The following CDH11 variants were observed in gnomAD, a reference collection of about 807,000 sequenced individuals.
CDH11 encodes cadherin 11.
CDH11 carries 11 observed loss-of-function variants against 67.8 expected under a neutral mutation model. The observed-to-expected ratio is 0.16, with a 90% CI of 0.10 to 0.27. The LOEUF is 0.27. CDH11 is among the 10% of genes least tolerant of loss of function. CDH11 has a pLI of 1.00. For synonymous variants in CDH11, 419 were observed against 400.0 expected, an observed-to-expected ratio of 1.05 and a Z score of -0.57; for missense variants, 847 against 1,031.2, an observed-to-expected ratio of 0.82 and a Z score of 2.45.
intron 1 of CDH11, among the ~76,000 whole-genome samples, chr16:65,089,313 G>A (rs1331858109): frequency 6.6e-6 from 1 of 151,898 alleles, no homozygotes; most frequent in Non-Finnish European, 1.5e-5. Context: ...ATAGCAAAAA[G>A]GAAAAAGAAA....
At chr16:65,042,152 C>CG (rs2073878346) in intron 2 of CDH11, among the ~76,000 whole-genome samples, 1 of 152,180 alleles carries the variant, frequency 6.6e-6, no homozygotes, top group Non-Finnish European at 1.5e-5. Flanking sequence ...GTATGGATGG[C>CG]GCTGCCCTTG....
rs71143536 is a variant in CDH11 at position 64,954,948 on chromosome 16, T to TAAAA, written c.1643-3934_1643-3931dup. Among the ~76,000 whole-genome samples the TAAAA allele has an allele frequency of 9.9e-5, 12 of 121,382 alleles. 1 individual carries two copies. The highest frequency in any genetic ancestry group is 8.8e-4 in the Admixed American group (11 of 12,570). The allele number at this position is 121,382 out of a possible 152,430, so 79.6% of individuals were successfully genotyped here. ...GTAAAACCCTCTCTCTACTAAAAAA[T>TAAAA]AAAAAAAAAAAAAAAAGGCCAGGCA... On this transcript the variant is annotated intron_variant, in intron 11 of 12. Coordinates refer to ENST00000268603, the MANE Select transcript of CDH11 (RefSeq NM_001797.4).
At chr16:64,978,770 T>C (rs2072248673) in intron 8 of CDH11, among the ~76,000 whole-genome samples, 1 of 152,124 alleles carries the variant, frequency 6.6e-6, no homozygotes, top group Non-Finnish European at 1.5e-5. Flanking sequence ...CCTGACAACA[T>C]ACATAAAATT....
At chr16:65,119,597 G>A (rs2075292604) in intron 1 of CDH11, among the ~76,000 whole-genome samples, 1 of 151,992 alleles carries the variant, frequency 6.6e-6, no homozygotes, top group Admixed American at 6.6e-5. Context: ...ACATGTCTGG[G>A]GCTCGCCAGA....
chr16:65,105,637 G>C (rs992369738), intron 1 of CDH11, among the ~76,000 whole-genome samples: 1 of 152,174 alleles, frequency 6.6e-6, no homozygotes, highest in African/African-American at 2.4e-5. Context: ...GCTTTGAAAG[G>C]AGATGCAACA....
intron 1 of CDH11, among the ~76,000 whole-genome samples, chr16:65,120,422 G>A (rs933843495): frequency 2.0e-5 from 3 of 152,152 alleles, no homozygotes; most frequent in African/African-American, 7.2e-5. Flanking sequence ...TAGCCTCCCT[G>A]TGATTAAAAC....
intron 1 of CDH11, among the ~76,000 whole-genome samples, chr16:65,067,891 A>G: frequency 8.8e-6 from 1 of 113,450 alleles, no homozygotes. Context: ...AGGGAGGGAG[A>G]GAGGAAGGAA....
At chr16:65,107,013 G>A (rs1379047806) in intron 1 of CDH11, among the ~76,000 whole-genome samples, 1 of 151,890 alleles carries the variant, frequency 6.6e-6, no homozygotes, top group Non-Finnish European at 1.5e-5. Flanking sequence ...TGTCTACCAT[G>A]TGATCTCAGG....
intron 1 of CDH11, among the ~76,000 whole-genome samples, chr16:65,106,346 G>T (rs1182680161): frequency 6.6e-6 from 1 of 152,098 alleles, no homozygotes; most frequent in Non-Finnish European, 1.5e-5. Flanking sequence ...ACAAATATAA[G>T]AGTTGATCAA....
intron 2 of CDH11, among the ~76,000 whole-genome samples, chr16:65,005,630 T>C (rs1216334013): frequency 6.6e-6 from 1 of 152,148 alleles, no homozygotes; most frequent in Non-Finnish European, 1.5e-5. Flanking sequence ...AAACCATTGA[T>C]GGTTACTGAA....
chr16:65,104,370 A>G (rs2075037189), intron 1 of CDH11, among the ~76,000 whole-genome samples: 1 of 152,232 alleles, frequency 6.6e-6, no homozygotes, highest in Non-Finnish European at 1.5e-5. Flanking sequence ...CACTAGCCAT[A>G]GAACCCAGAG....
intron 4 of CDH11, among the ~76,000 whole-genome samples, chr16:64,997,501 C>T (rs2072804573): frequency 6.6e-6 from 1 of 151,902 alleles, no homozygotes; most frequent in African/African-American, 2.4e-5. Context: ...CCACCCCATC[C>T]CCACCCTTGA....
At chr16:65,033,624 C>G (rs937341025) in intron 2 of CDH11, among the ~76,000 whole-genome samples, 12 of 152,066 alleles carry the variant, frequency 7.9e-5, no homozygotes, top group African/African-American at 2.9e-4. Context: ...GTAGTCCCAG[C>G]TACTCGGGAG....
In CDH11 at chr16:65,079,792, C is replaced by T. The variant is rs144671854; in HGVS notation, c.-297-25864G>A. 7.2e-5 allele frequency among the ~76,000 whole-genome samples: 11 copies of T among 152,294 alleles called. No homozygotes were observed. The East Asian group carries it at 1.4e-3, about 19-fold the overall frequency. ...AAACCACCTTGCTTTCTTGTCTAAC[C>T]GGGCAAATTATGCCTTCATCCTTAA... is the stretch of plus-strand genomic sequence containing the variant. On this transcript the variant is annotated intron_variant, in intron 1 of 12. Coordinates refer to ENST00000268603, the MANE Select transcript of CDH11 (RefSeq NM_001797.4).
At chr16:65,006,563 G>C (rs1350903403) in intron 2 of CDH11, among the ~76,000 whole-genome samples, 1 of 152,192 alleles carries the variant, frequency 6.6e-6, no homozygotes, top group Non-Finnish European at 1.5e-5. Flanking sequence ...GACAAGAATT[G>C]TTGCACCCAT....
intron 1 of CDH11, among the ~76,000 whole-genome samples, chr16:65,115,722 C>CA (rs959719329): frequency 2.1e-4 from 18 of 87,288 alleles, no homozygotes; most frequent in African/African-American, 5.8e-4. Flanking sequence ...AAAAAAAAAA[C>CA]AAAAAAACAA....
At chr16:65,094,116 G>A (rs2074842140) in intron 1 of CDH11, among the ~76,000 whole-genome samples, 1 of 152,088 alleles carries the variant, frequency 6.6e-6, no homozygotes, top group African/African-American at 2.4e-5. Context: ...TACCAGCAAT[G>A]CACTAAGATT....
At position 64,991,929 on chromosome 16, in the gene CDH11, A is replaced by T; in HGVS notation, c.650T>A (p.Ile217Asn). The change falls in exon 6 of 13, where the codon ATC becomes AAC. Residue 217 changes from isoleucine (I) to asparagine (N), a missense_variant. Transcript: ENST00000268603. Reference protein sequence around the residue: ...YFSVEAQTGIIRTALPNMDRE... With the variant: ...YFSVEAQTGINRTALPNMDRE... The stretch of plus-strand genomic sequence containing the variant: ...GTCCATGTTGGGTAGGGCTGTTCTG[A>T]TGATACCTGGACAGGTAAGCAGGCA... 1 of 1,607,010 alleles carries T rather than the reference A, an allele frequency of 6.2e-7. No homozygotes were observed. The highest frequency in any genetic ancestry group is 8.5e-7 in the Non-Finnish European group (1 of 1,174,582).
At chr16:64,951,746 T>C (rs1348195430) in intron 11 of CDH11, among the ~76,000 whole-genome samples, 1 of 152,188 alleles carries the variant, frequency 6.6e-6, no homozygotes, top group Non-Finnish European at 1.5e-5. Context: ...CAAGTCCACC[T>C]TCAAACCTTA....
Sources: allele counts gnomAD v4.1 joint callset (sites outside exome capture counted in the v4.1 genomes callset), GRCh38; gene constraint gnomAD v4.1.1; transcripts MANE v1.5; gene names NCBI Gene and HGNC (gene_info 2026-07-23, HGNC 2026-07-21).